The following WWOX variants were observed in gnomAD, a reference collection of about 807,000 sequenced individuals.
The protein encoded by WWOX is WW domain containing oxidoreductase, also known as WW domain-containing oxidoreductase.
Under a neutral mutation model 46.2 loss-of-function variants are expected in WWOX, and 69 were observed. The ratio of observed to expected loss-of-function variants is 1.49; its 90% CI spans 1.23 to 1.82. The LOEUF (loss-of-function observed/expected upper bound fraction) is 1.82. WWOX is among the 40% of genes most tolerant of loss of function. WWOX has a pLI of 0.00. For synonymous variants in WWOX, 359 were observed against 202.6 expected (o/e 1.77, Z -6.56); for missense variants, 919 against 542.6 (o/e 1.69, Z -6.89).
At chr16:79,047,181 G>C (rs1389457418) in intron 8 of WWOX, among the ~76,000 whole-genome samples, 6 of 152,094 alleles carry the variant, frequency 3.9e-5, no homozygotes, top group Admixed American at 1.3e-4. Context: ...TGAGTAGTAA[G>C]CACATGCAAG....
intron 4 of WWOX, among the ~76,000 whole-genome samples, chr16:78,134,587 G>A (rs759239180): frequency 1.3e-5 from 2 of 151,916 alleles, no homozygotes; most frequent in Non-Finnish European, 2.9e-5. Context: ...ATCAATATCT[G>A]CCATTATAGT....
intron 5 of WWOX, among the ~76,000 whole-genome samples, chr16:78,334,191 A>C (rs2151894512): frequency 6.6e-6 from 1 of 152,216 alleles, no homozygotes; most frequent in East Asian, 1.9e-4. Flanking sequence ...GCCAAAGAAA[A>C]ATTAAGACAA....
At chr16:78,879,608 T>A (rs2044302013) in intron 8 of WWOX, among the ~76,000 whole-genome samples, 1 of 152,182 alleles carries the variant, frequency 6.6e-6, no homozygotes, top group African/African-American at 2.4e-5. Context: ...CTGGGCATGA[T>A]GGTTCACGCC....
intron 5 of WWOX, among the ~76,000 whole-genome samples, chr16:78,327,318 G>T (rs1481629305): frequency 6.6e-6 from 1 of 152,148 alleles, no homozygotes; most frequent in Non-Finnish European, 1.5e-5. Context: ...AAGTTGGGAT[G>T]GGGGTGTGAA....
chr16:78,811,508 C>CT (rs1287905424), intron 8 of WWOX, among the ~76,000 whole-genome samples: 1 of 151,066 alleles, frequency 6.6e-6, no homozygotes, highest in Non-Finnish European at 1.5e-5. Flanking sequence ...TCTTTTCTTT[C>CT]TTTTTCCTTT....
chr16:79,136,683 C>G (rs1310720823), intron 8 of WWOX, among the ~76,000 whole-genome samples: 2 of 152,132 alleles, frequency 1.3e-5, no homozygotes, highest in East Asian at 1.9e-4. Flanking sequence ...CTCACCGGGT[C>G]CTTTCTAGTT....
chr16:78,919,626 T>C (rs966856537), intron 8 of WWOX, among the ~76,000 whole-genome samples: 2 of 150,148 alleles, frequency 1.3e-5, no homozygotes, highest in African/African-American at 4.9e-5. Flanking sequence ...CAAGCGATTC[T>C]CCTGCCTCAT....
intron 8 of WWOX, among the ~76,000 whole-genome samples, chr16:78,979,208 T>G (rs1035264534): frequency 1.3e-5 from 2 of 152,042 alleles, no homozygotes; most frequent in Non-Finnish European, 2.9e-5. Flanking sequence ...AGAATTCACA[T>G]TATTAGAGAA....
intron 8 of WWOX, among the ~76,000 whole-genome samples, chr16:78,888,485 C>G (rs530154162): frequency 6.6e-6 from 1 of 152,264 alleles, no homozygotes; most frequent in East Asian, 1.9e-4. Flanking sequence ...TTAGCTGGTG[C>G]TAACTGACAG....
chr16:79,069,485 A>T (rs760021706), intron 8 of WWOX, among the ~76,000 whole-genome samples: 4 of 152,102 alleles, frequency 2.6e-5, no homozygotes, highest in Non-Finnish European at 4.4e-5. Flanking sequence ...AAACTTAGGA[A>T]CTAAGAACCG....
chr16:78,275,605 A>C (rs2151850147), intron 5 of WWOX, among the ~76,000 whole-genome samples: 1 of 152,304 alleles, frequency 6.6e-6, no homozygotes, highest in South Asian at 2.1e-4. Flanking sequence ...GTGAGTTGAA[A>C]ACAGAACAGC....
At chr16:78,531,148 T>A (rs1567625762) in intron 8 of WWOX, among the ~76,000 whole-genome samples, 1 of 152,180 alleles carries the variant, frequency 6.6e-6, no homozygotes, top group Non-Finnish European at 1.5e-5. Flanking sequence ...CCTTGCTAGG[T>A]TCTCACAATG....
rs545528408 is a variant in WWOX at position 78,874,109 on chromosome 16, A to G, written c.1057-337499A>G. Among the ~76,000 whole-genome samples the G allele has an allele frequency of 6.5e-4, 98 of 150,464 alleles. 3 individuals carry two copies. The South Asian group carries it at 0.019, about 30-fold the overall frequency. Reference sequence around the variant, plus strand: ...TACTAAAATTATTTAAAAAAAAAATAGCTGGGCATGGTGGCACACGTCTGT... The same window carrying G: ...TACTAAAATTATTTAAAAAAAAAATGGCTGGGCATGGTGGCACACGTCTGT... On this transcript the variant is annotated intron_variant, in intron 8 of 8. Coordinates refer to ENST00000566780, the MANE Select transcript of WWOX (RefSeq NM_016373.4).
chr16:79,072,365 A>G lies in WWOX; in HGVS notation c.1057-139243A>G, dbSNP rs186326423. On this transcript the variant is annotated intron_variant, in intron 8 of 8. Transcript: ENST00000566780. Reference sequence around the variant, plus strand: ...AGAGGTCCTGGGTCACATTTCCTGCAAAGTTGCACTGCCTCCCATAGGCAT... The same window carrying G: ...AGAGGTCCTGGGTCACATTTCCTGCGAAGTTGCACTGCCTCCCATAGGCAT... 3.9e-4 allele frequency among the ~76,000 whole-genome samples: 60 copies of G among 152,298 alleles called. No individual in the cohort carries two copies. The East Asian group carries it at 0.011, about 29-fold the overall frequency.
At chr16:78,650,504 C>G (rs78285266) in intron 8 of WWOX, among the ~76,000 whole-genome samples, 4 of 152,160 alleles carry the variant, frequency 2.6e-5, no homozygotes, top group East Asian at 1.9e-4. Context: ...TGCCCTGTGA[C>G]TCAACCCAAA....
chr16:78,690,961 C>G (rs1052237095), intron 8 of WWOX, among the ~76,000 whole-genome samples: 1 of 152,130 alleles, frequency 6.6e-6, no homozygotes, highest in Non-Finnish European at 1.5e-5. Flanking sequence ...ATTTGTGAAA[C>G]CAGGCCTCAA....
chr16:78,925,635 A>G (rs1364464437), intron 8 of WWOX, among the ~76,000 whole-genome samples: 4 of 152,210 alleles, frequency 2.6e-5, no homozygotes, highest in African/African-American at 9.6e-5. Flanking sequence ...GTCAAACTGT[A>G]CAGAACTCTT....
chr16:78,920,991 G>C (rs968359924), intron 8 of WWOX, among the ~76,000 whole-genome samples: 2 of 152,120 alleles, frequency 1.3e-5, no homozygotes, highest in African/African-American at 4.8e-5. Flanking sequence ...GACAAAACCA[G>C]CTCCCACACT....
intron 8 of WWOX, among the ~76,000 whole-genome samples, chr16:79,163,928 C>G (rs1263511679): frequency 6.7e-6 from 1 of 148,978 alleles, no homozygotes; most frequent in Non-Finnish European, 1.5e-5. Flanking sequence ...TGTCGAGTTG[C>G]TTCTGCCGTT....
Sources: gnomAD v4.1 joint callset for allele counts (sites outside exome capture counted in the v4.1 genomes callset) on GRCh38, gnomAD v4.1.1 for gene constraint, MANE v1.5 for transcripts, NCBI Gene and HGNC (gene_info 2026-07-23, HGNC 2026-07-21) for gene names.